Variants in DVL2 observed in about 807,000 individuals in gnomAD.
The protein encoded by DVL2 is dishevelled segment polarity protein 2.
In DVL2, 38 loss-of-function variants were observed where a neutral mutation model predicts 69.8. The observed-to-expected ratio is 0.54, with a 90% confidence interval of 0.42 to 0.71. DVL2 has a LOEUF of 0.71. DVL2 is among the 30% of genes least tolerant of loss of function. The probability of loss-of-function intolerance (pLI) is 0.00; values close to 1 mark genes in which losing one functional copy is unlikely to be tolerated. For missense variants in DVL2, 931 were observed against 1,008.1 expected, an observed-to-expected ratio of 0.92 and a Z score of 1.04; for synonymous variants, 428 against 392.4, an observed-to-expected ratio of 1.09 and a Z score of -1.07.
In DVL2 at chr17:7,226,446, G is replaced by A; in HGVS notation, c.1737C>T (p.Gly579=). The change falls in exon 14 of 15, where the codon GGC becomes GGT. Residue 579 remains glycine (G), a synonymous_variant. Transcript: ENST00000005340. The stretch of plus-strand genomic sequence containing the variant: ...CCTCACTATGCTGGCTGCTGGCACT[G>A]CCCCCACCATAGGTGTAAGATGAAA... ...HELSSYTYGG[G]SASSQHSEGS... is the part of the protein sequence containing the mutation. 4 of 1,541,672 alleles carry A rather than the reference G, an allele frequency of 2.6e-6. No homozygotes were observed. The highest frequency in any genetic ancestry group is 3.5e-6 in the Non-Finnish European group (4 of 1,144,562).
In DVL2 at chr17:7,229,637, A is replaced by G; in HGVS notation, c.698T>C (p.Leu233Pro). 6.4e-7 allele frequency: 1 copy of G among 1,551,570 alleles called. No homozygotes were observed. Among genetic ancestry groups the G allele is most frequent in the East Asian group, 2.2e-5 (1 of 44,450 alleles). ...STEQSSASRL[L>P]KRHRRRRKQR... ...CTTCCTTCGCCGCCGGTGGCGCTTA[A>G]GGAGGCGGGAGGCACTGCTCTGCTC... The change falls in exon 6 of 15, where the codon CTT (leucine) becomes CCT (proline). Residue 233 changes from leucine (L) to proline (P), a missense_variant. Leu to Pro is a moderately conservative substitution (Grantham distance 98). This residue lies in a region of DVL2 where 555 missense variants were observed against 588.8 expected (regional missense o/e 0.94). Coordinates refer to ENST00000005340, the MANE Select transcript of DVL2 (RefSeq NM_004422.3). This position sits in a 1 kb window ranked among gnomAD's most constrained non-coding sequence, Gnocchi z 4.4.
Position 7,234,196 on chromosome 17 carries a change from C to T in DVL2, c.67G>A (p.Glu23Lys), listed in dbSNP as rs765699246. 1 of 1,614,136 alleles carries T rather than the reference C, an allele frequency of 6.2e-7. No individual in the cohort carries two copies. Among genetic ancestry groups the T allele is most frequent in the Non-Finnish European group, 8.5e-7 (1 of 1,180,022 alleles). The change falls in exon 1 of 15, where the codon GAA becomes AAA. Residue 23 changes from glutamate (E) to lysine (K), a missense_variant. Transcript: ENST00000005340. ...ATCTTCACCAGGTAGGGAGTCTCTT[C>T]CTCATCCAGGTGGTAAATCACCTTC... Reference protein sequence around the residue: ...ETKVIYHLDEEETPYLVKIPV... With the variant: ...ETKVIYHLDEKETPYLVKIPV...
Position 7,229,333 on chromosome 17 carries a change from G to A in DVL2, c.817+45C>T, listed in dbSNP as rs773226478. The A allele has an allele frequency of 4.3e-6, 7 of 1,613,438 alleles. No individual in the cohort carries two copies. The highest frequency in any genetic ancestry group is 3.3e-5 in the South Asian group (3 of 91,068). ...CTGCCACAGGACGCCCGGAACCCTA[G>A]AGACCAGGCCCTCCCCACGCCCTAG... On this transcript the variant is annotated intron_variant, in intron 7 of 14. Coordinates refer to ENST00000005340, the MANE Select transcript of DVL2 (RefSeq NM_004422.3). The surrounding 1 kb of genome is among the most constrained non-coding windows in gnomAD (Gnocchi z 4.4).
Position 7,229,623 on chromosome 17 carries a change from G to T in DVL2, c.712C>A (p.Arg238=), listed in dbSNP as rs772812566. 6.4e-7 allele frequency: 1 copy of T among 1,551,940 alleles called. No homozygotes were observed. The highest frequency in any genetic ancestry group is 2.2e-5 in the East Asian group (1 of 44,468). Residue 238 remains arginine (R), a synonymous_variant, in exon 6 of 15, where the codon CGG becomes AGG. Coordinates refer to ENST00000005340, the MANE Select transcript of DVL2 (RefSeq NM_004422.3). This position sits in a 1 kb window ranked among gnomAD's most constrained non-coding sequence, Gnocchi z 4.4. ...CGGGGTGGCCTCTGCTTCCTTCGCC[G>T]CCGGTGGCGCTTAAGGAGGCGGGAG... ...SASRLLKRHR[R]RRKQRPPRLE... is the part of the protein sequence containing the mutation.
At chr17:7,230,884 G>T in intron 1 of DVL2, 87 bp from the exon 2 acceptor site, 1 of 1,019,350 alleles carries the variant, frequency 9.8e-7, no homozygotes, top group Non-Finnish European at 1.5e-6. Flanking sequence ...TCTTCACCTG[G>T]CTCCAGGATG....
intron 1 of DVL2, among the ~76,000 whole-genome samples, chr17:7,232,522 C>T (rs2071558214): frequency 6.6e-6 from 1 of 152,232 alleles, no homozygotes; most frequent in Non-Finnish European, 1.5e-5. Context: ...ATTACAATTA[C>T]CATTCACCAA....
chr17:7,230,051 T>C lies in DVL2; in HGVS notation c.515A>G (p.His172Arg), dbSNP rs2071518711. Residue 172 changes from histidine (H) to arginine (R), a missense_variant, in exon 4 of 15, where the codon CAT becomes CGT. By Grantham distance (29) the His-to-Arg change is conservative (BLOSUM62 0). Transcript: ENST00000005340. ...ERPRRRDSSE[H>R]GAGGHRTGGP... is the part of the protein sequence containing the mutation. ...CCCCCAGGCCTGCCCCTCACCGCCA[T>C]GCTCACTGCTGTCTCTCCTGCGAGG... is the stretch of plus-strand genomic sequence containing the variant. The C allele has an allele frequency of 1.9e-6, 3 of 1,613,828 alleles. No homozygotes were observed. The highest frequency in any genetic ancestry group is 3.3e-5 in the Admixed American group (2 of 60,004).
At position 7,226,610 on chromosome 17, in the gene DVL2, C is replaced by T. The variant is rs1465615773; in HGVS notation, c.1573G>A (p.Asp525Asn). The T allele has an allele frequency of 6.3e-7, 1 of 1,580,722 alleles. No individual in the cohort carries two copies. The highest frequency in any genetic ancestry group is 1.4e-5 in the African/African-American group (1 of 73,596). The change falls in exon 14 of 15, where the codon GAT (aspartate) becomes AAT (asparagine). Residue 525 changes from aspartate to asparagine, a missense_variant. Physicochemically the swap from Asp to Asn is conservative, Grantham distance 23. This residue lies in a region of DVL2 where 314 missense variants were observed against 313.7 expected (regional missense o/e 1.00). Transcript: ENST00000005340. ...TGGTCTGAAGCCCCACTGGAGCCAT[C>T]GTTGTCATTGAGAGACAGGTTGACT... ...YLVNLSLNDN[D>N]GSSGASDQDT...
In DVL2 at chr17:7,229,832, G is replaced by C. The variant is rs746705349; in HGVS notation, c.632C>G (p.Ser211Trp). ...SELESTSLGDSDEEDTMSRFS... is the reference protein window; with the variant it reads ...SELESTSLGDWDEEDTMSRFS... ...CCTGCTCATGGTGTCCTCCTCGTCC[G>C]AGTCCCCCAGGCTGGTACTCTCCAG... The change falls in exon 5 of 15, where the codon TCG becomes TGG. Residue 211 changes from serine (S) to tryptophan (W), a missense_variant. Ser to Trp is a radical substitution (Grantham distance 177). This residue lies in a region of DVL2 where 555 missense variants were observed against 588.8 expected (regional missense o/e 0.94). Coordinates refer to ENST00000005340, the MANE Select transcript of DVL2 (RefSeq NM_004422.3). The surrounding 1 kb of genome is among the most constrained non-coding windows in gnomAD (Gnocchi z 4.4). 2 of 1,612,276 alleles carry C rather than the reference G, an allele frequency of 1.2e-6. No individual in the cohort carries two copies. Among genetic ancestry groups the C allele is most frequent in the East Asian group, 4.5e-5 (2 of 44,872 alleles).
Position 7,227,653 on chromosome 17 carries a change from A to G in DVL2, c.1231+2T>C. On this transcript the variant is annotated splice_donor_variant, in intron 11 of 14. Coordinates refer to ENST00000005340, the MANE Select transcript of DVL2 (RefSeq NM_004422.3). LOFTEE classifies it high-confidence loss of function. ...GTGGGATGAGGTGGGCTGGCGGCTCACCATCAGGCAAAGACGATCCAGATG... is the reference window on the plus strand; with the variant it reads ...GTGGGATGAGGTGGGCTGGCGGCTCGCCATCAGGCAAAGACGATCCAGATG... The G allele has an allele frequency of 6.2e-7, 1 of 1,614,192 alleles. No individual in the cohort carries two copies. Among genetic ancestry groups the G allele is most frequent in the Non-Finnish European group, 8.5e-7 (1 of 1,180,016 alleles).
At chr17:7,232,933 AC>A (rs2071564257) in intron 1 of DVL2, among the ~76,000 whole-genome samples, 2 of 151,872 alleles carry the variant, frequency 1.3e-5, no homozygotes, top group African/African-American at 4.8e-5. Context: ...ACTAAAAAAT[AC>A]AAAAAATTAG....
intron 3 of DVL2, 26 bp downstream of exon 3, chr17:7,230,259 T>G (rs2142993239): frequency 6.2e-7 from 1 of 1,613,770 alleles, no homozygotes; most frequent in East Asian, 2.2e-5. Flanking sequence ...CTCCCTCCCC[T>G]GCAGTCAAGA....
At chr17:7,228,721 A>G in intron 9 of DVL2, 3 of 474,880 alleles carry the variant, frequency 6.3e-6, no homozygotes, top group Non-Finnish European at 1.2e-5. Context: ...AGCTGGGACT[A>G]CAGGCATGTG....
rs1567573322 is a variant in DVL2 at position 7,227,992 on chromosome 17, A to C, written c.1087T>G (p.Phe363Val). The C allele has an allele frequency of 1.3e-6, 2 of 1,568,880 alleles. No individual in the cohort carries two copies. Among genetic ancestry groups the C allele is most frequent in the Non-Finnish European group, 1.7e-6 (2 of 1,157,806 alleles). ...KCWDPSPQAY[F>V]TLPRNEPIQP... ...TGTCACTCACTTCGGGGGAGAGTGA[A>C]ATAGGCCTGAGGAGAGGGATCCCAG... Residue 363 changes from phenylalanine to valine, a missense_variant, in exon 10 of 15, where the codon TTC (phenylalanine) becomes GTC (valine). Coordinates refer to ENST00000005340, the MANE Select transcript of DVL2 (RefSeq NM_004422.3).
In DVL2 at chr17:7,229,434, C is replaced by A; in HGVS notation, c.761G>T (p.Ser254Ile). 6.2e-7 allele frequency: 1 copy of A among 1,614,062 alleles called. No individual in the cohort carries two copies. Among genetic ancestry groups the A allele is most frequent in the Non-Finnish European group, 8.5e-7 (1 of 1,180,030 alleles). The stretch of plus-strand genomic sequence containing the variant: ...AGACATTGTGGAATCTGTGACGCTG[C>A]TGAAGGATGACGTCTGTGGTGGGAA... ...PPRLERTSSF[S>I]SVTDSTMSLN... is the part of the protein sequence containing the mutation. The change falls in exon 7 of 15, where the codon AGC becomes ATC. Residue 254 changes from serine (S) to isoleucine (I), a missense_variant. By Grantham distance (142) the Ser-to-Ile change is moderately radical. Around this residue, in one of 3 missense-constraint regions of DVL2, gnomAD observed 555 missense variants for 588.8 expected, o/e 0.94. Transcript: ENST00000005340. This position sits in a 1 kb window ranked among gnomAD's most constrained non-coding sequence, Gnocchi z 4.4.
At position 7,226,583 on chromosome 17, in the gene DVL2, C is replaced by A. The variant is rs139855538; in HGVS notation, c.1600G>T (p.Asp534Tyr). 1 of 1,604,552 alleles carries A rather than the reference C, an allele frequency of 6.2e-7. No homozygotes were observed. Reference sequence around the variant, plus strand: ...GCCCCAGGCAGAGGAGCCAGGGTATCCTGGTCTGAAGCCCCACTGGAGCCA... The same window carrying A: ...GCCCCAGGCAGAGGAGCCAGGGTATACTGGTCTGAAGCCCCACTGGAGCCA... ...NDGSSGASDQ[D>Y]TLAPLPGATP... Residue 534 changes from aspartate to tyrosine, a missense_variant, in exon 14 of 15, where the codon GAT becomes TAT. Asp to Tyr is a radical substitution (Grantham distance 160). Coordinates refer to ENST00000005340, the MANE Select transcript of DVL2 (RefSeq NM_004422.3).
chr17:7,226,653 GA>G lies in DVL2; in HGVS notation c.1544-15del. The G allele has an allele frequency of 2.0e-6, 3 of 1,518,038 alleles. No individual in the cohort carries two copies. Among genetic ancestry groups the G allele is most frequent in the Non-Finnish European group, 2.6e-6 (3 of 1,134,616 alleles). The allele number at this position is 1,518,038 out of a possible 1,614,324, so 94.0% of individuals were successfully genotyped here. Reference sequence around the variant, plus strand: ...GGTTGACTAGGTCTGGAAAGCAAGGGAAGAGAGGAAGAAATCACTGCTTCAA... The same window carrying G: ...GGTTGACTAGGTCTGGAAAGCAAGGGAGAGAGGAAGAAATCACTGCTTCAA... On this transcript the variant is annotated splice_polypyrimidine_tract_variant and intron_variant, in intron 13 of 14. Coordinates refer to ENST00000005340, the MANE Select transcript of DVL2 (RefSeq NM_004422.3).
chr17:7,226,873 C>T (rs371508093), intron 13 of DVL2: 8 of 630,564 alleles, frequency 1.3e-5, no homozygotes, highest in South Asian at 4.2e-5. Context: ...CACCTTCCCC[C>T]GGTGGACACA....
At position 7,225,484 on chromosome 17, in the gene DVL2, C is replaced by T. The variant is rs2071427974; in HGVS notation, c.*381G>A. On this transcript the variant is annotated 3_prime_UTR_variant, in exon 15 of 15. Transcript: ENST00000005340. ...CTAACCCCGGGGTACCGCTGACCAC[C>T]CCCAACCCTGCAAAGGGCAGGGCTG... is the stretch of plus-strand genomic sequence containing the variant. The T allele has an allele frequency of 4.7e-6, 2 of 427,908 alleles. No homozygotes were observed. The highest frequency in any genetic ancestry group is 2.0e-5 in the African/African-American group (1 of 49,968). The allele number at this position is 427,908 out of a possible 1,614,324, so 26.5% of individuals were successfully genotyped here. A position where few individuals can be genotyped will look rare whatever the true frequency, so the allele number is the denominator to read the frequency against.
Sources: gnomAD v4.1 joint callset for allele counts (sites outside exome capture counted in the v4.1 genomes callset) on GRCh38, gnomAD v4.1.1 for gene constraint, gnomAD v4.1.1 regional missense constraint, Gnocchi (gnomAD v3.1) non-coding constraint, MANE v1.5 for transcripts, NCBI Gene and HGNC (gene_info 2026-07-23, HGNC 2026-07-21) for gene names.